TSHR: variants seen among roughly 807,000 people sequenced by gnomAD.
The protein encoded by TSHR is thyroid stimulating hormone receptor.
A neutral mutation model predicts 64.1 loss-of-function variants in TSHR; 51 were observed. The observed-to-expected ratio is 0.80, with a 90% CI of 0.64 to 1.01. TSHR has a LOEUF of 1.01. TSHR is among the 50% of genes least tolerant of loss of function. TSHR has a pLI of 0.00. For synonymous variants in TSHR, 361 were observed against 361.9 expected (o/e 1.00, Z 0.03); for missense variants, 877 against 942.8 (o/e 0.93, Z 0.91).
intron 1 of TSHR, among the ~76,000 whole-genome samples, chr14:81,002,826 T>C (rs1889409660): frequency 1.6e-5 from 1 of 61,948 alleles, no homozygotes; most frequent in Non-Finnish European, 3.6e-5. Context: ...TTTTTTTTTC[T>C]TTTTTTATTA....
intron 8 of TSHR, among the ~76,000 whole-genome samples, chr14:81,109,790 T>C (rs1353587607): frequency 3.2e-4 from 31 of 97,874 alleles, no homozygotes; most frequent in Non-Finnish European, 1.1e-4. Flanking sequence ...GAAAATCTGC[T>C]GTGCCACGTG....
intron 1 of TSHR, chr14:81,051,846 G>C (rs1178276361): frequency 1.3e-5 from 2 of 152,088 alleles, no homozygotes; most frequent in Non-Finnish European, 2.9e-5. Context: ...CTTCTGAGAA[G>C]TGTCTATCCA....
At chr14:81,024,629 T>C (rs1883953430) in intron 1 of TSHR, among the ~76,000 whole-genome samples, 1 of 152,198 alleles carries the variant, frequency 6.6e-6, no homozygotes, top group Non-Finnish European at 1.5e-5. Flanking sequence ...TTGCAAAAAG[T>C]ATAAGTTTTT....
intron 7 of TSHR, among the ~76,000 whole-genome samples, chr14:81,107,835 G>T (rs1042961175): frequency 6.6e-6 from 1 of 152,030 alleles, no homozygotes; most frequent in Non-Finnish European, 1.5e-5. Context: ...ATTATTCATT[G>T]TTTATCTGAA....
At chr14:81,071,000 G>T (rs1186671102) in intron 3 of TSHR, among the ~76,000 whole-genome samples, 1 of 152,154 alleles carries the variant, frequency 6.6e-6, no homozygotes, top group Non-Finnish European at 1.5e-5. Context: ...AATGAACCTT[G>T]ACTGCACAAA....
chr14:81,108,494 CT>C (rs375160114), intron 8 of TSHR, 42 bp downstream of exon 8: 35,742 of 1,198,692 alleles, frequency 0.03, no homozygotes, highest in East Asian at 0.091. Context: ...CTTTTTTTTT[CT>C]TTTTTTTTTT....
chr14:81,089,587 C>T lies in TSHR; in HGVS notation c.393-1482C>T, dbSNP rs188520333. On this transcript the variant is annotated intron_variant, in intron 4 of 9. Coordinates refer to ENST00000298171, the MANE Select transcript of TSHR (RefSeq NM_000369.5). ...CCTACAGAAGAATAATGGAAAGTGA[C>T]GAAGGAGAGACATATACAGTGTTTG... Among the ~76,000 whole-genome samples, 222 of 152,036 alleles carry T rather than the reference C, an allele frequency of 1.5e-3. 2 individuals are homozygous for T. Among genetic ancestry groups the T allele is most frequent in the South Asian group, 1.9e-3 (9 of 4,818 alleles).
At chr14:81,123,182 G>C (rs1467718183) in intron 8 of TSHR, among the ~76,000 whole-genome samples, 1 of 152,032 alleles carries the variant, frequency 6.6e-6, no homozygotes, top group Non-Finnish European at 1.5e-5. Context: ...AGCATAGGAA[G>C]AGAAGACAAT....
intron 6 of TSHR, among the ~76,000 whole-genome samples, chr14:81,095,955 G>T (rs73335922): frequency 6.6e-6 from 1 of 150,984 alleles, no homozygotes; most frequent in Non-Finnish European, 1.5e-5. Flanking sequence ...TGGGAGGATC[G>T]CTTAAGCCCA....
intron 3 of TSHR, among the ~76,000 whole-genome samples, chr14:81,085,919 T>A (rs1697740628): frequency 6.6e-6 from 1 of 152,098 alleles, no homozygotes; most frequent in Non-Finnish European, 1.5e-5. Flanking sequence ...ATTATGAGAT[T>A]TTGGAGTAGG....
intron 1 of TSHR, among the ~76,000 whole-genome samples, chr14:80,963,952 A>G (rs1887167596): frequency 6.6e-6 from 1 of 152,174 alleles, no homozygotes; most frequent in Non-Finnish European, 1.5e-5. Flanking sequence ...AGGTGTCCCA[A>G]TTTGGGGGAT....
chr14:80,955,722 C>G lies in TSHR; in HGVS notation c.42C>G (p.Asp14Glu), dbSNP rs754574062. ...TGCTGCAGCTGGTGCTGCTGCTCGA[C>G]CTGCCCAGGGACCTGGGCGGAATGG... ...ADLLQLVLLL[D>E]LPRDLGGMGC... Residue 14 changes from aspartate to glutamate, a missense_variant, in exon 1 of 10, where the codon GAC (aspartate) becomes GAG (glutamate). Asp to Glu is a conservative substitution (Grantham distance 45, BLOSUM62 2). Coordinates refer to ENST00000298171, the MANE Select transcript of TSHR (RefSeq NM_000369.5). The G allele has an allele frequency of 1.2e-6, 2 of 1,614,048 alleles. No homozygotes were observed. The highest frequency in any genetic ancestry group is 1.7e-6 in the Non-Finnish European group (2 of 1,180,030).
At chr14:81,093,663 A>G (rs7158747) in intron 6 of TSHR, 39,000 of 152,130 alleles carry the variant, frequency 0.26, 7,461 homozygotes, top group African/African-American at 0.54. Flanking sequence ...TTTGGGCCCA[A>G]TGAAGTTACC....
At chr14:81,105,015 C>A (rs1889806441) in intron 7 of TSHR, 1 of 985,290 alleles carries the variant, frequency 1.0e-6, no homozygotes, top group Non-Finnish European at 1.2e-6. Flanking sequence ...CCTTTCGTCT[C>A]TTACTACAAG....
intron 3 of TSHR, among the ~76,000 whole-genome samples, chr14:81,078,111 T>C (rs1173946905): frequency 6.6e-6 from 1 of 151,472 alleles, no homozygotes; most frequent in Non-Finnish European, 1.5e-5. Flanking sequence ...AATAGTCATT[T>C]ATATACGTTC....
intron 1 of TSHR, among the ~76,000 whole-genome samples, chr14:80,988,988 C>G (rs1397516486): frequency 6.6e-6 from 1 of 152,216 alleles, no homozygotes; most frequent in African/African-American, 2.4e-5. Context: ...TAGCCACACA[C>G]CAGTATTTTT....
At chr14:81,104,574 C>T (rs1016425294) in intron 7 of TSHR, 70 of 985,276 alleles carry the variant, frequency 7.1e-5, no homozygotes, top group African/African-American at 8.7e-5. Flanking sequence ...GCTTTCATTC[C>T]TTCCTCCAGC....
intron 1 of TSHR, among the ~76,000 whole-genome samples, chr14:80,990,114 T>C (rs2139738863): frequency 6.6e-6 from 1 of 152,358 alleles, no homozygotes; most frequent in Admixed American, 6.5e-5. Flanking sequence ...GGTTAATAGA[T>C]ATTTTTAGCC....
At chr14:80,981,880 C>T (rs74064786) in intron 1 of TSHR, 8,815 of 183,726 alleles carry the variant, frequency 0.048, 808 homozygotes, top group African/African-American at 0.2. Context: ...CTCTAACTCT[C>T]GCTACCAAGT....
Sources: gnomAD v4.1 joint callset for allele counts (sites outside exome capture counted in the v4.1 genomes callset) on GRCh38, gnomAD v4.1.1 for gene constraint, MANE v1.5 for transcripts, NCBI Gene and HGNC (gene_info 2026-07-23, HGNC 2026-07-21) for gene names.